PAX7: variants seen among roughly 807,000 people sequenced by gnomAD.
PAX7 encodes paired box 7, also known as paired box protein Pax-7.
A neutral mutation model predicts 50.7 loss-of-function variants in PAX7; 18 were observed. The ratio of observed to expected loss-of-function variants is 0.36; its 90% confidence interval spans 0.25 to 0.53. The LOEUF (loss-of-function observed/expected upper bound fraction) is 0.53, where lower values mean the gene tolerates loss of function less well. PAX7 is among the 20% of genes least tolerant of loss of function. PAX7 has a pLI of 0.93. For missense variants in PAX7, 644 were observed against 702.9 expected, an observed-to-expected ratio of 0.92 and a Z score of 0.95; for synonymous variants, 310 against 290.4, an observed-to-expected ratio of 1.07 and a Z score of -0.69.
chr1:18,634,915 C>A lies in PAX7; in HGVS notation c.322-196C>A, dbSNP rs1317017593. Among the ~76,000 whole-genome samples, 1 of 152,158 alleles carries A rather than the reference C, an allele frequency of 6.6e-6. No individual in the cohort carries two copies. The highest frequency in any genetic ancestry group is 2.4e-5 in the African/African-American group (1 of 41,440). ...CCATGTCCCACCCCACCCCACCTGG[C>A]CAGACCCCCAGCTGCCTTCCTGGGA... On this transcript the variant is annotated intron_variant, in intron 2 of 8. Coordinates refer to ENST00000420770, the MANE Select transcript of PAX7 (RefSeq NM_001135254.2). This position sits in a 1 kb window ranked among gnomAD's most constrained non-coding sequence, Gnocchi z 4.0.
At chr1:18,647,120 G>T (rs930024211) in intron 4 of PAX7, among the ~76,000 whole-genome samples, 1 of 152,014 alleles carries the variant, frequency 6.6e-6, no homozygotes, top group Non-Finnish European at 1.5e-5. Flanking sequence ...ACCGAGCTCC[G>T]GGCGAGGGGA....
intron 7 of PAX7, among the ~76,000 whole-genome samples, chr1:18,732,408 C>A (rs2089657243): frequency 6.6e-6 from 1 of 152,180 alleles, no homozygotes; most frequent in South Asian, 2.1e-4. Context: ...GTAGCAAGTA[C>A]CACGTAGGCA....
At chr1:18,654,271 A>G (rs1379192516) in intron 4 of PAX7, among the ~76,000 whole-genome samples, 1 of 152,012 alleles carries the variant, frequency 6.6e-6, no homozygotes, top group Non-Finnish European at 1.5e-5. Flanking sequence ...TAGAAAGAAC[A>G]CTTCGCTCAA....
intron 4 of PAX7, among the ~76,000 whole-genome samples, chr1:18,689,008 G>A (rs571443390): frequency 2.0e-5 from 3 of 152,278 alleles, no homozygotes; most frequent in Non-Finnish European, 4.4e-5. Flanking sequence ...TCTGAGGGTA[G>A]GGCCTGTGTC....
At chr1:18,719,384 T>C (rs1475748996) in intron 7 of PAX7, among the ~76,000 whole-genome samples, 1 of 152,226 alleles carries the variant, frequency 6.6e-6, no homozygotes, top group Non-Finnish European at 1.5e-5. Context: ...TGTCCCTCCA[T>C]CCTGCTGCGT....
At chr1:18,691,376 GT>G (rs760170910) in intron 4 of PAX7, among the ~76,000 whole-genome samples, 1 of 152,178 alleles carries the variant, frequency 6.6e-6, no homozygotes, top group Non-Finnish European at 1.5e-5. Context: ...TTTGTCAAGT[GT>G]ATCTCACCAC....
chr1:18,654,989 G>A (rs1027853058), intron 4 of PAX7, among the ~76,000 whole-genome samples: 3 of 152,170 alleles, frequency 2.0e-5, no homozygotes, highest in Admixed American at 6.5e-5. Flanking sequence ...TGCTTGGCAC[G>A]TGCCTACAAT....
chr1:18,728,668 G>A (rs554536206), intron 7 of PAX7, among the ~76,000 whole-genome samples: 4 of 148,830 alleles, frequency 2.7e-5, no homozygotes, highest in Non-Finnish European at 4.4e-5. Context: ...CGAGACCAGC[G>A]TGACCAACAT....
At chr1:18,742,357 G>A (rs1179334367) in intron 8 of PAX7, among the ~76,000 whole-genome samples, 2 of 151,872 alleles carry the variant, frequency 1.3e-5, no homozygotes, top group South Asian at 2.1e-4. Context: ...AGGGTTTCAC[G>A]GTGTTAGCCA....
At chr1:18,718,729 G>A (rs1052125106) in intron 7 of PAX7, among the ~76,000 whole-genome samples, 13 of 151,136 alleles carry the variant, frequency 8.6e-5, no homozygotes, top group Admixed American at 7.9e-4. Context: ...TGCAACCTCC[G>A]CCTCCCAGGT....
chr1:18,685,494 C>T (rs907050821), intron 4 of PAX7, among the ~76,000 whole-genome samples: 23 of 152,306 alleles, frequency 1.5e-4, no homozygotes, highest in African/African-American at 5.3e-4. Context: ...GCTTTGAGAA[C>T]GCCAAGAAAG....
intron 7 of PAX7, among the ~76,000 whole-genome samples, chr1:18,722,641 TC>T (rs1300951223): frequency 7.9e-5 from 12 of 152,032 alleles, no homozygotes; most frequent in Admixed American, 7.9e-4. Flanking sequence ...CGGCAGGGCG[TC>T]GACATAGCTG....
At position 18,634,554 on chromosome 1, in the gene PAX7, A is replaced by C. The variant is rs768400015; in HGVS notation, c.321+16A>C. ...CAAGCCCAGAGTGAGTGTCTTTGCC[A>C]CAGAGGCTGGCAGCTGGCTTCCTAT... is the stretch of plus-strand genomic sequence containing the variant. On this transcript the variant is annotated intron_variant, in intron 2 of 8. Coordinates refer to ENST00000420770, the MANE Select transcript of PAX7 (RefSeq NM_001135254.2). This position sits in a 1 kb window ranked among gnomAD's most constrained non-coding sequence, Gnocchi z 4.0. The C allele has an allele frequency of 6.8e-6, 11 of 1,609,288 alleles. No individual in the cohort carries two copies. The South Asian group carries it at 8.8e-5, about 13-fold the overall frequency.
rs2088161975 is a variant in PAX7 at position 18,636,594 on chromosome 1, T to C, written c.586+223T>C. ...TGCGAAGCCCGCGCCTTCTTTGCGC[T>C]ATGGAGGCCGGGCACGGACGGCCTG... is the stretch of plus-strand genomic sequence containing the variant. On this transcript the variant is annotated intron_variant, in intron 4 of 8. Coordinates refer to ENST00000420770, the MANE Select transcript of PAX7 (RefSeq NM_001135254.2). This position sits in a 1 kb window ranked among gnomAD's most constrained non-coding sequence, Gnocchi z 5.1. Among the ~76,000 whole-genome samples, 1 of 152,128 alleles carries C rather than the reference T, an allele frequency of 6.6e-6. No individual in the cohort carries two copies. The highest frequency in any genetic ancestry group is 1.5e-5 in the Non-Finnish European group (1 of 68,010).
intron 4 of PAX7, among the ~76,000 whole-genome samples, chr1:18,688,977 T>G (rs2089017735): frequency 6.6e-6 from 1 of 152,132 alleles, no homozygotes. Flanking sequence ...AGGCTGTGCC[T>G]CCTCCATCAG....
At chr1:18,739,188 G>A (rs1332568458) in intron 8 of PAX7, among the ~76,000 whole-genome samples, 1 of 152,338 alleles carries the variant, frequency 6.6e-6, no homozygotes, top group East Asian at 1.9e-4. Flanking sequence ...ACGAGGCTCA[G>A]AGAGGCGAGG....
At chr1:18,639,226 G>A (rs190621322) in intron 4 of PAX7, among the ~76,000 whole-genome samples, 2 of 152,230 alleles carry the variant, frequency 1.3e-5, no homozygotes, top group African/African-American at 4.8e-5. Flanking sequence ...TTCCAGGCAT[G>A]GTAAGAAACT....
chr1:18,634,423 CCTGTGTCATCTCCCGACAG>C lies in PAX7; in HGVS notation c.210_228del (p.Ile72SerfsTer37), dbSNP rs1455130884. ...GAGATGGCCCACCATGGCATCCGGCCCTGTGTCATCTCCCGACAGCTGCGTGTCTCCCACGGCTGCGTCT... is the reference window on the plus strand; with the variant it reads ...GAGATGGCCCACCATGGCATCCGGCCCTGCGTGTCTCCCACGGCTGCGTCT... On this transcript the variant is annotated frameshift_variant, in exon 2 of 9. Transcript: ENST00000420770. LOFTEE classifies it high-confidence loss of function. This position sits in a 1 kb window ranked among gnomAD's most constrained non-coding sequence, Gnocchi z 4.0. 1 of 1,614,222 alleles carries C rather than the reference CCTGTGTCATCTCCCGACAG, an allele frequency of 6.2e-7. No homozygotes were observed. Among genetic ancestry groups the C allele is most frequent in the South Asian group, 1.1e-5 (1 of 91,084 alleles).
intron 4 of PAX7, among the ~76,000 whole-genome samples, chr1:18,690,843 G>A (rs1005489115): frequency 2.6e-5 from 4 of 152,298 alleles, no homozygotes; most frequent in South Asian, 2.1e-4. Flanking sequence ...AGTGGAAGTC[G>A]CCTAATCCAA....
Sources: gnomAD v4.1 joint callset for allele counts (sites outside exome capture counted in the v4.1 genomes callset) on GRCh38, gnomAD v4.1.1 for gene constraint, Gnocchi (gnomAD v3.1) non-coding constraint, MANE v1.5 for transcripts, NCBI Gene and HGNC (gene_info 2026-07-23, HGNC 2026-07-21) for gene names.